AGBL1: variants seen among roughly 807,000 people sequenced by gnomAD.
The protein encoded by AGBL1 is cytosolic carboxypeptidase 4.
Under a neutral mutation model 118.9 loss-of-function variants are expected in AGBL1, and 130 were observed. That is an observed-to-expected ratio of 1.09 (90% CI 0.95 to 1.26). The LOEUF is 1.26. Among genes scored for constraint, AGBL1 ranks in the 50% most tolerant of loss-of-function variants. The pLI is 0.00. For synonymous variants in AGBL1, 555 were observed against 478.9 expected (o/e 1.16, Z -2.08); for missense variants, 1,584 against 1,298.1 (o/e 1.22, Z -3.38).
rs1224603980 is a variant in AGBL1 at position 86,383,246 on chromosome 15, G to GT, written c.2375-14119dup. ...ACTGAAGAGAGTAAGCATTCAGTAT[G>GT]TAAAAAAAAAAAAAAAAAAAAAAAA... On this transcript the variant is annotated intron_variant, in intron 17 of 22. Coordinates refer to ENST00000614907, the MANE Select transcript of AGBL1 (RefSeq NM_001386094.1). 5.4e-4 allele frequency among the ~76,000 whole-genome samples: 13 copies of GT among 24,102 alleles called. No homozygotes were observed. In the East Asian group the frequency reaches 0.05, roughly 92 times the overall value. The allele number at this position is 24,102 out of a possible 152,430, so 15.8% of individuals were successfully genotyped here.
intron 18 of AGBL1, among the ~76,000 whole-genome samples, chr15:86,454,225 A>G (rs1349805664): frequency 1.3e-5 from 2 of 152,320 alleles, no homozygotes; most frequent in East Asian, 1.9e-4. Flanking sequence ...GCCTGTCCAC[A>G]TGGAGTTCCT....
intron 22 of AGBL1, among the ~76,000 whole-genome samples, chr15:86,717,975 G>A (rs532881530): frequency 6.6e-6 from 1 of 152,270 alleles, no homozygotes; most frequent in East Asian, 1.9e-4. Flanking sequence ...CTACTCAGGA[G>A]GCTGAGGTAG....
intron 24 of AGBL1, among the ~76,000 whole-genome samples, chr15:87,014,476 A>G (rs16939717): frequency 0.1 from 15,677 of 152,200 alleles, 1,619 homozygotes; most frequent in African/African-American, 0.27. Flanking sequence ...GGCATTCCTT[A>G]GAAGAAAACA....
intron 22 of AGBL1, among the ~76,000 whole-genome samples, chr15:86,877,931 G>A (rs1279423595): frequency 6.6e-6 from 1 of 152,140 alleles, no homozygotes; most frequent in African/African-American, 2.4e-5. Flanking sequence ...ACATGTCTGT[G>A]TTTTAAAACG....
At chr15:86,323,666 A>G (rs2141847924) in intron 17 of AGBL1, among the ~76,000 whole-genome samples, 1 of 152,284 alleles carries the variant, frequency 6.6e-6, no homozygotes, top group South Asian at 2.1e-4. Context: ...TTTAAATGTG[A>G]TGCTCCTCAT....
intron 23 of AGBL1, among the ~76,000 whole-genome samples, chr15:86,927,688 T>C (rs1339327413): frequency 6.6e-6 from 1 of 152,176 alleles, no homozygotes; most frequent in African/African-American, 2.4e-5. Context: ...TAATCCAATA[T>C]TGATAATCAT....
intron 24 of AGBL1, among the ~76,000 whole-genome samples, chr15:86,993,208 A>C (rs759165369): frequency 6.6e-6 from 1 of 152,206 alleles, no homozygotes; most frequent in Non-Finnish European, 1.5e-5. Context: ...CAGTTCACTT[A>C]ATATGTACTG....
intron 5 of AGBL1, among the ~76,000 whole-genome samples, chr15:86,215,834 A>G (rs2078178713): frequency 6.6e-6 from 1 of 152,208 alleles, no homozygotes; most frequent in Non-Finnish European, 1.5e-5. Flanking sequence ...AACGGGTCCT[A>G]GAGTGGATAT....
intron 22 of AGBL1, among the ~76,000 whole-genome samples, chr15:86,755,759 A>G (rs78981623): frequency 0.03 from 4,517 of 152,174 alleles, 111 homozygotes; most frequent in Non-Finnish European, 0.044. Flanking sequence ...CTTCCCAGCT[A>G]TTCTTTCCTA....
intron 17 of AGBL1, among the ~76,000 whole-genome samples, chr15:86,304,413 ATGT>A (rs1376123430): frequency 1.3e-5 from 2 of 152,122 alleles, no homozygotes; most frequent in African/African-American, 4.8e-5. Context: ...ATGATATCTA[ATGT>A]TGTTCCCCTA....
chr15:86,609,525 T>A (rs2084628927), intron 21 of AGBL1, among the ~76,000 whole-genome samples: 1 of 152,106 alleles, frequency 6.6e-6, no homozygotes, highest in South Asian at 2.1e-4. Flanking sequence ...AGGAGTTAAT[T>A]TGTGTTGACC....
At position 86,848,565 on chromosome 15, in the gene AGBL1, T is replaced by A. The variant is rs191578599; in HGVS notation, c.3159-58522T>A. On this transcript the variant is annotated intron_variant, in intron 22 of 22. Coordinates refer to ENST00000614907, the MANE Select transcript of AGBL1 (RefSeq NM_001386094.1). ...AATACATGGTCCCAAGAACTAAACA[T>A]AATACTTCAAGTATGGTCGCAGTCA... Among the ~76,000 whole-genome samples, 125 of 152,308 alleles carry A rather than the reference T, an allele frequency of 8.2e-4. 1 individual carries two copies. The highest frequency in any genetic ancestry group is 2.9e-3 in the African/African-American group (120 of 41,570).
intron 21 of AGBL1, among the ~76,000 whole-genome samples, chr15:86,596,593 C>CT (rs34745395): frequency 3.3e-5 from 5 of 151,696 alleles, no homozygotes; most frequent in African/African-American, 4.8e-5. Context: ...ACTTCTCTCT[C>CT]TTTTTTTTTC....
At chr15:86,616,527 C>A (rs1411607605) in intron 21 of AGBL1, among the ~76,000 whole-genome samples, 1 of 151,976 alleles carries the variant, frequency 6.6e-6, no homozygotes, top group Non-Finnish European at 1.5e-5. Flanking sequence ...AATGCCTGAT[C>A]AATGGGTAAA....
chr15:86,765,336 C>A (rs1283506315), intron 22 of AGBL1, among the ~76,000 whole-genome samples: 1 of 151,862 alleles, frequency 6.6e-6, no homozygotes, highest in Non-Finnish European at 1.5e-5. Context: ...TATGCTAGAC[C>A]CAGATATGTT....
Position 86,698,610 on chromosome 15 carries a change from G to GTT in AGBL1, c.3158+24188_3158+24189dup, listed in dbSNP as rs78700642. On this transcript the variant is annotated intron_variant, in intron 22 of 22. Transcript: ENST00000614907. The stretch of plus-strand genomic sequence containing the variant: ...CCATCTGTATATAGTGCTGATCATT[G>GTT]TTTTTTTTTTTTTTTAAAAAGAGAC... 3.5e-3 allele frequency among the ~76,000 whole-genome samples: 486 copies of GTT among 138,478 alleles called. 1 individual carries two copies. Among genetic ancestry groups the GTT allele is most frequent in the African/African-American group, 0.011 (438 of 38,176 alleles). The allele number at this position is 138,478 out of a possible 152,430, so 90.8% of individuals were successfully genotyped here.
chr15:86,126,028 G>C (rs1898409411), intron 1 of AGBL1, among the ~76,000 whole-genome samples: 1 of 151,996 alleles, frequency 6.6e-6, no homozygotes, highest in Non-Finnish European at 1.5e-5. Context: ...AAACATTCAT[G>C]GCTTTTAATA....
At chr15:87,004,789 G>A (rs1220640336) in intron 24 of AGBL1, among the ~76,000 whole-genome samples, 1 of 152,098 alleles carries the variant, frequency 6.6e-6, no homozygotes, top group African/African-American at 2.4e-5. Context: ...AGCATTGATG[G>A]TCTTTCTTTA....
chr15:86,101,172 A>C (rs1896692291), intron 1 of AGBL1, among the ~76,000 whole-genome samples: 1 of 152,098 alleles, frequency 6.6e-6, no homozygotes, highest in African/African-American at 2.4e-5. Context: ...TACAGTTTCC[A>C]AAGTTCGTTT....
Sources: gnomAD v4.1 joint callset for allele counts (sites outside exome capture counted in the v4.1 genomes callset) on GRCh38, gnomAD v4.1.1 for gene constraint, MANE v1.5 for transcripts, NCBI Gene and HGNC (gene_info 2026-07-23, HGNC 2026-07-21) for gene names.